STRBP: variants seen among roughly 807,000 people sequenced by gnomAD.
The protein encoded by STRBP is spermatid perinuclear RNA-binding protein.
In STRBP, 13 loss-of-function variants were observed where a neutral mutation model predicts 80.1. The ratio of observed to expected loss-of-function variants is 0.16; its 90% CI spans 0.11 to 0.26. The LOEUF is 0.26. Among genes scored for constraint, STRBP ranks in the 10% least tolerant of loss-of-function variants. The pLI is 1.00. For missense variants in STRBP, 485 were observed against 815.2 expected (o/e 0.59, Z 4.93); for synonymous variants, 284 against 291.2 (o/e 0.98, Z 0.25).
At chr9:123,190,855 T>C (rs529981801) in intron 2 of STRBP, among the ~76,000 whole-genome samples, 14 of 152,314 alleles carry the variant, frequency 9.2e-5, no homozygotes, top group African/African-American at 3.4e-4. Context: ...AAGAGGCAGT[T>C]ATTAGCCCTT....
intron 13 of STRBP, among the ~76,000 whole-genome samples, chr9:123,144,197 C>CAAAAAAAAA (rs957671357): frequency 2.9e-5 from 2 of 69,066 alleles, no homozygotes. Context: ...GACTCCGTCT[C>CAAAAAAAAA]AAAAAAAAAA....
At chr9:123,257,261 C>T (rs2041052676) in intron 1 of STRBP, among the ~76,000 whole-genome samples, 2 of 152,082 alleles carry the variant, frequency 1.3e-5, no homozygotes, top group Non-Finnish European at 2.9e-5. Context: ...CCATTTTTCT[C>T]ATAATCCAGT....
At chr9:123,162,044 GC>G (rs1289528306) in intron 6 of STRBP, among the ~76,000 whole-genome samples, 5 of 152,106 alleles carry the variant, frequency 3.3e-5, no homozygotes, top group African/African-American at 1.2e-4. Context: ...ATATAAGACA[GC>G]CCACTAACAC....
rs1423337721 is a variant in STRBP at position 123,124,823 on chromosome 9, A to G, written c.*774T>C. 1 of 985,354 alleles carries G rather than the reference A, an allele frequency of 1.0e-6. No individual in the cohort carries two copies. Among genetic ancestry groups the G allele is most frequent in the Non-Finnish European group, 1.2e-6 (1 of 829,944 alleles). 61.0% of individuals were successfully genotyped at this position (985,354 alleles called of 1,614,324 possible). A position where few individuals can be genotyped will look rare whatever the true frequency, so the allele number is the denominator to read the frequency against. The stretch of plus-strand genomic sequence containing the variant: ...CCATCATTTTAATAAGCAATGCTCA[A>G]ATAACAGAATGGAACCTTTATCATG... On this transcript the variant is annotated 3_prime_UTR_variant, in exon 19 of 19. Transcript: ENST00000348403.
At chr9:123,128,018 A>C (rs1057202284) in intron 18 of STRBP, among the ~76,000 whole-genome samples, 196 bp downstream of exon 18, 1 of 152,220 alleles carries the variant, frequency 6.6e-6, no homozygotes, top group African/African-American at 2.4e-5. Flanking sequence ...CAATCAGGCA[A>C]AGCGGAGAGA....
chr9:123,129,213 T>A (rs1029058791), intron 17 of STRBP, among the ~76,000 whole-genome samples: 3 of 151,880 alleles, frequency 2.0e-5, no homozygotes, highest in Non-Finnish European at 2.9e-5. Flanking sequence ...AAAAATTAGC[T>A]GGGTATGGTG....
chr9:123,153,627 G>T (rs1465127905), intron 11 of STRBP, among the ~76,000 whole-genome samples: 2 of 152,180 alleles, frequency 1.3e-5, no homozygotes, highest in African/African-American at 4.8e-5. Context: ...GATAACTATA[G>T]AAAGAGAAGA....
intron 1 of STRBP, among the ~76,000 whole-genome samples, chr9:123,257,152 T>C (rs1178811378): frequency 6.6e-6 from 1 of 152,142 alleles, no homozygotes; most frequent in East Asian, 1.9e-4. Context: ...ATTCCTTTCA[T>C]ATATCGTATC....
At chr9:123,265,723 A>G (rs1048331213) in intron 1 of STRBP, among the ~76,000 whole-genome samples, 19 of 152,210 alleles carry the variant, frequency 1.2e-4, no homozygotes, top group Admixed American at 7.9e-4. Flanking sequence ...GCTGAAGGCC[A>G]TATGTCCGCC....
chr9:123,206,122 T>C (rs1404620231), intron 2 of STRBP, among the ~76,000 whole-genome samples: 1 of 152,216 alleles, frequency 6.6e-6, no homozygotes, highest in Non-Finnish European at 1.5e-5. Context: ...TTCCATCGCT[T>C]ATAAGGAAAT....
At chr9:123,121,492 G>A (rs1390062880), downstream of STRBP, 1 of 152,096 alleles carries the variant, frequency 6.6e-6, no homozygotes, top group Non-Finnish European at 1.5e-5. Flanking sequence ...ATTGCTTTAA[G>A]TCTATTTGGT....
chr9:123,239,314 G>A (rs1190294539), intron 1 of STRBP, among the ~76,000 whole-genome samples: 1 of 152,104 alleles, frequency 6.6e-6, no homozygotes, highest in Non-Finnish European at 1.5e-5. Context: ...GGCAGAGCTT[G>A]CAGTGAGCCG....
chr9:123,119,757 G>A (rs1389298107), downstream of STRBP, among the ~76,000 whole-genome samples: 1 of 152,050 alleles, frequency 6.6e-6, no homozygotes, highest in Non-Finnish European at 1.5e-5. Flanking sequence ...CTCTGCACCA[G>A]GTACTGTTCA....
chr9:123,156,669 G>GA (rs1042053647), intron 11 of STRBP, among the ~76,000 whole-genome samples: 6 of 124,530 alleles, frequency 4.8e-5, no homozygotes, highest in Admixed American at 8.3e-5. Flanking sequence ...AAGAAAGAGA[G>GA]AAAAAGGCCA....
intron 6 of STRBP, among the ~76,000 whole-genome samples, chr9:123,162,273 GGAGTGCACTGGCAC>G (rs1399983163): frequency 6.6e-6 from 1 of 151,308 alleles, no homozygotes; most frequent in East Asian, 1.9e-4. Flanking sequence ...CACCCAGGCT[GGAGTGCACTGGCAC>G]GATCTCAGCT....
At chr9:123,212,262 G>A (rs1052021942) in intron 2 of STRBP, among the ~76,000 whole-genome samples, 11 of 151,984 alleles carry the variant, frequency 7.2e-5, no homozygotes, top group Admixed American at 5.9e-4. Flanking sequence ...TTTCCAATAC[G>A]GTACTCACAG....
intron 3 of STRBP, 152 bp from the exon 4 acceptor site, chr9:123,179,379 G>T: frequency 1.6e-6 from 1 of 631,096 alleles, no homozygotes; most frequent in Non-Finnish European, 2.7e-6. Context: ...TCCAGCGTGG[G>T]AAGTAAAATC....
At chr9:123,203,226 G>A (rs1370545046) in intron 2 of STRBP, among the ~76,000 whole-genome samples, 1 of 151,914 alleles carries the variant, frequency 6.6e-6, no homozygotes, top group Non-Finnish European at 1.5e-5. Context: ...TGTGCCTTCA[G>A]TCCTAACTAC....
chr9:123,183,312 T>C (rs530604771), intron 3 of STRBP, among the ~76,000 whole-genome samples: 1 of 151,980 alleles, frequency 6.6e-6, no homozygotes, highest in Non-Finnish European at 1.5e-5. Context: ...GGCGGGCACC[T>C]ATAATCCCAG....
Sources: gnomAD v4.1 joint callset for allele counts (sites outside exome capture counted in the v4.1 genomes callset) on GRCh38, gnomAD v4.1.1 for gene constraint, MANE v1.5 for transcripts, NCBI Gene and HGNC (gene_info 2026-07-23, HGNC 2026-07-21) for gene names.